The following FOXP1 variants were observed in gnomAD, a reference collection of about 807,000 sequenced individuals.
The protein encoded by FOXP1 is forkhead box protein P1.
A neutral mutation model predicts 98.2 loss-of-function variants in FOXP1; 15 were observed. That is an observed-to-expected ratio of 0.15 (90% CI 0.10 to 0.24). FOXP1 has a LOEUF of 0.24. FOXP1 is among the 10% of genes least tolerant of loss of function. The pLI, the probability that FOXP1 is intolerant of heterozygous loss-of-function variation, is 1.00. For synonymous variants in FOXP1, 371 were observed against 314.5 expected, an observed-to-expected ratio of 1.18 and a Z score of -1.90; for missense variants, 633 against 848.5, an observed-to-expected ratio of 0.75 and a Z score of 3.15.
chr3:71,326,653 G>A (rs1189850143), intron 4 of FOXP1, among the ~76,000 whole-genome samples: 2 of 152,168 alleles, frequency 1.3e-5, no homozygotes, highest in African/African-American at 2.4e-5. Context: ...AATCTTCCTC[G>A]TCTAAATGAT....
At chr3:70,993,125 G>T (rs769940310) in intron 13 of FOXP1, among the ~76,000 whole-genome samples, 1 of 152,178 alleles carries the variant, frequency 6.6e-6, no homozygotes, top group Non-Finnish European at 1.5e-5. Flanking sequence ...TGTAAAGTTC[G>T]TACGGTAATT....
intron 7 of FOXP1, among the ~76,000 whole-genome samples, chr3:71,070,539 G>C (rs555741611): frequency 6.6e-6 from 1 of 152,300 alleles, no homozygotes; most frequent in Non-Finnish European, 1.5e-5. Context: ...CAAAAGAAGA[G>C]TACTTGCTTA....
chr3:71,272,690 C>T (rs929633372), intron 5 of FOXP1, among the ~76,000 whole-genome samples: 3 of 152,140 alleles, frequency 2.0e-5, no homozygotes, highest in East Asian at 1.9e-4. Context: ...TGCAGTCAAG[C>T]GTTACACCAA....
At chr3:71,108,338 A>T in intron 7 of FOXP1, among the ~76,000 whole-genome samples, 1 of 152,218 alleles carries the variant, frequency 6.6e-6, no homozygotes, top group East Asian at 1.9e-4. Context: ...TTTGATCAAT[A>T]AAATTGCTCA....
intron 3 of FOXP1, among the ~76,000 whole-genome samples, chr3:71,367,506 G>A (rs1038107351): frequency 6.6e-6 from 1 of 152,092 alleles, no homozygotes; most frequent in Non-Finnish European, 1.5e-5. Flanking sequence ...TTCTCACTGA[G>A]TCTTCATACT....
At chr3:70,966,178 A>T in intron 19 of FOXP1, 122 bp from the exon 20 acceptor site, 2 of 888,050 alleles carry the variant, frequency 2.3e-6, no homozygotes, top group Non-Finnish European at 3.6e-6. Context: ...GGCAAATACA[A>T]GTTTCTAAGA....
intron 5 of FOXP1, among the ~76,000 whole-genome samples, chr3:71,200,331 T>G (rs1197500036): frequency 6.6e-6 from 1 of 152,154 alleles, no homozygotes; most frequent in African/African-American, 2.4e-5. Flanking sequence ...TATTCTCCAA[T>G]TTAGTGCTGC....
intron 2 of FOXP1, among the ~76,000 whole-genome samples, chr3:71,516,134 T>C (rs1185746979): frequency 6.6e-6 from 1 of 152,212 alleles, no homozygotes; most frequent in Non-Finnish European, 1.5e-5. Flanking sequence ...CACAGTCTTT[T>C]ATCAATGCTA....
At chr3:71,079,718 A>G (rs2054209991) in intron 7 of FOXP1, among the ~76,000 whole-genome samples, 1 of 152,198 alleles carries the variant, frequency 6.6e-6, no homozygotes, top group Admixed American at 6.5e-5. Context: ...ACCTGTACCA[A>G]GAGAGGTCCG....
intron 11 of FOXP1, among the ~76,000 whole-genome samples, chr3:71,017,654 G>C (rs1174405769): frequency 1.3e-5 from 2 of 152,042 alleles, no homozygotes; most frequent in African/African-American, 4.8e-5. Flanking sequence ...ATGGGTAATA[G>C]TCTATCACGT....
At chr3:71,197,806 C>T (rs764472081) in intron 6 of FOXP1, 21 of 1,355,774 alleles carry the variant, frequency 1.5e-5, no homozygotes, top group East Asian at 7.1e-5. Flanking sequence ...TATTCCTTAG[C>T]TCTTATTTCC....
At chr3:71,348,844 G>T (rs1413625879) in intron 4 of FOXP1, among the ~76,000 whole-genome samples, 3 of 152,120 alleles carry the variant, frequency 2.0e-5, no homozygotes, top group Non-Finnish European at 4.4e-5. Flanking sequence ...AAGAAGGTAG[G>T]CAGAGATGAA....
intron 7 of FOXP1, among the ~76,000 whole-genome samples, chr3:71,103,692 G>A (rs1388463781): frequency 6.6e-6 from 1 of 152,164 alleles, no homozygotes; most frequent in African/African-American, 2.4e-5. Flanking sequence ...TTATAGCAAG[G>A]TGGGGGGAGG....
chr3:71,001,150 C>T (rs572511609), intron 12 of FOXP1, 91 bp from the exon 13 acceptor site: 57 of 947,460 alleles, frequency 6.0e-5, no homozygotes, highest in East Asian at 1.5e-4. Context: ...AACTAGGCAG[C>T]GGGTCTAGCT....
chr3:71,011,844 C>T (rs1188274062), intron 12 of FOXP1, among the ~76,000 whole-genome samples: 1 of 152,144 alleles, frequency 6.6e-6, no homozygotes, highest in East Asian at 1.9e-4. Context: ...AAGTGCCAGA[C>T]TTCTAATATC....
intron 3 of FOXP1, among the ~76,000 whole-genome samples, chr3:71,390,765 A>G (rs1205532545): frequency 6.6e-6 from 1 of 152,216 alleles, no homozygotes; most frequent in Admixed American, 6.5e-5. Flanking sequence ...TTAAATAAGA[A>G]AGATTTTAAA....
At chr3:71,178,389 C>T (rs551539201) in intron 6 of FOXP1, among the ~76,000 whole-genome samples, 2 of 151,996 alleles carry the variant, frequency 1.3e-5, no homozygotes, top group African/African-American at 4.8e-5. Context: ...CCGCTTCGGT[C>T]TCTCAAAGTG....
intron 3 of FOXP1, among the ~76,000 whole-genome samples, chr3:71,435,314 C>G (rs1357027139): frequency 4.7e-3 from 3 of 634 alleles, no homozygotes; most frequent in Non-Finnish European, 8.9e-3. Flanking sequence ...GAGGGAGGGA[C>G]GGAGGGAGGG....
rs370525938 is a variant in FOXP1, at chr3:70,959,226, G to T, written c.*21C>A. On this transcript the variant is annotated 3_prime_UTR_variant, in exon 21 of 21. Coordinates refer to ENST00000649528, the MANE Select transcript of FOXP1 (RefSeq NM_001349338.3). The stretch of plus-strand genomic sequence containing the variant: ...TTTCCTTTTTCCAATCTTCATTCTC[G>T]GGGTTGGCCCGCCCCGATAGTCACT... 2.5e-6 allele frequency: 4 copies of T among 1,608,832 alleles called. No individual in the cohort carries two copies. Among genetic ancestry groups the T allele is most frequent in the Non-Finnish European group, 3.4e-6 (4 of 1,178,118 alleles).
Sources: gnomAD v4.1 joint callset for allele counts (sites outside exome capture counted in the v4.1 genomes callset) on GRCh38, gnomAD v4.1.1 for gene constraint, MANE v1.5 for transcripts, NCBI Gene and HGNC (gene_info 2026-07-23, HGNC 2026-07-21) for gene names.